Variants in ZEB1 observed in about 807,000 individuals in gnomAD.
ZEB1 encodes the protein zinc finger E-box-binding homeobox 1.
A neutral mutation model predicts 84.9 loss-of-function variants in ZEB1; 21 were observed. The ratio of observed to expected loss-of-function variants is 0.25; its 90% CI spans 0.18 to 0.36. The LOEUF is 0.36. Ranked by LOEUF, ZEB1 falls within the 10% of genes least tolerant of loss-of-function variation. The pLI is 1.00. For missense variants in ZEB1, 1,104 were observed against 1,330.2 expected (o/e 0.83, Z 2.65); for synonymous variants, 420 against 471.1 (o/e 0.89, Z 1.41).
At chr10:31,525,062 A>G (rs188556010) in intron 8 of ZEB1, among the ~76,000 whole-genome samples, 2 of 152,346 alleles carry the variant, frequency 1.3e-5, no homozygotes, top group East Asian at 3.9e-4. Flanking sequence ...ACATTTTTAA[A>G]TGATTGGAAA....
At chr10:31,495,407 C>T (rs1203277588) in intron 2 of ZEB1, among the ~76,000 whole-genome samples, 1 of 151,948 alleles carries the variant, frequency 6.6e-6, no homozygotes, top group Admixed American at 6.6e-5. Flanking sequence ...ACTGCTTTTA[C>T]TTCTCTAAGA....
intron 2 of ZEB1, among the ~76,000 whole-genome samples, chr10:31,477,245 A>G (rs897909006): frequency 2.6e-5 from 4 of 152,056 alleles, no homozygotes; most frequent in Admixed American, 2.6e-4. Flanking sequence ...GCATTTCTGT[A>G]TACTGTTACT....
rs900233442 is a variant in ZEB1 at position 31,333,951 on chromosome 10, G to A, written c.58+14659G>A. ...TGACTTTGAGGCAGAAAACCTGTCC[G>A]AGAGAGTGAGGGTCACTCAATAGTT... is the stretch of plus-strand genomic sequence containing the variant. On this transcript the variant is annotated intron_variant, in intron 1 of 8. Transcript: ENST00000424869. Among the ~76,000 whole-genome samples, 5 of 152,106 alleles carry A rather than the reference G, an allele frequency of 3.3e-5. No individual in the cohort carries two copies. In the East Asian group the frequency reaches 7.7e-4, roughly 23 times the overall value.
intron 1 of ZEB1, among the ~76,000 whole-genome samples, chr10:31,391,598 T>C (rs2049750960): frequency 6.6e-6 from 1 of 152,216 alleles, no homozygotes; most frequent in South Asian, 2.1e-4. Flanking sequence ...ATAAGTAAGA[T>C]GTTCAGCCTT....
At chr10:31,449,884 T>C (rs1476076775) in intron 1 of ZEB1, among the ~76,000 whole-genome samples, 2 of 152,230 alleles carry the variant, frequency 1.3e-5, no homozygotes, top group African/African-American at 4.8e-5. Context: ...ATTTTCATCA[T>C]TGTGATAACC....
chr10:31,504,456 A>T (rs992931639), intron 4 of ZEB1, among the ~76,000 whole-genome samples: 6 of 151,892 alleles, frequency 4.0e-5, no homozygotes, highest in Non-Finnish European at 8.8e-5. Flanking sequence ...TGGTTCCGTA[A>T]AAGTTTTAGG....
chr10:31,523,572 C>T (rs2072812419), intron 7 of ZEB1, among the ~76,000 whole-genome samples: 1 of 152,162 alleles, frequency 6.6e-6, no homozygotes, highest in Non-Finnish European at 1.5e-5. Context: ...AAGTTAAAAC[C>T]TTCTGCAAAT....
At chr10:31,363,192 C>T in intron 1 of ZEB1, 1 of 1,534,056 alleles carries the variant, frequency 6.5e-7, no homozygotes, top group Non-Finnish European at 8.7e-7. Context: ...GAGAGCTGGG[C>T]AGGTGGTCTT....
At position 31,404,314 on chromosome 10, in the gene ZEB1, A is replaced by AT. The variant is rs762592818; in HGVS notation, c.59-56722dup. 1.4e-3 allele frequency among the ~76,000 whole-genome samples: 217 copies of AT among 152,130 alleles called. 1 individual carries two copies. Among genetic ancestry groups the AT allele is most frequent in the Non-Finnish European group, 2.3e-3 (158 of 67,976 alleles). ...ATGAATAGTTTTTTGTTAATAATTAATGTAGGCCTCTGCTTACCTGCTTTA... is the reference window on the plus strand; with the variant it reads ...ATGAATAGTTTTTTGTTAATAATTAATTGTAGGCCTCTGCTTACCTGCTTTA... On this transcript the variant is annotated intron_variant, in intron 1 of 8. Transcript: ENST00000424869.
intron 1 of ZEB1, among the ~76,000 whole-genome samples, chr10:31,336,012 A>G (rs1425438792): frequency 6.6e-6 from 1 of 152,166 alleles, no homozygotes; most frequent in Non-Finnish European, 1.5e-5. Flanking sequence ...AAATCTAACA[A>G]CGTGCTCAAT....
intron 1 of ZEB1, chr10:31,319,881 G>T: frequency 7.0e-6 from 1 of 143,844 alleles, no homozygotes; most frequent in South Asian, 1.8e-4. Context: ...GGCTGTGGGC[G>T]CGCGGCAGGC....
chr10:31,403,732 T>C lies in ZEB1; in HGVS notation c.59-57305T>C, dbSNP rs180766642. Among the ~76,000 whole-genome samples the C allele has an allele frequency of 3.8e-3, 575 of 152,118 alleles. 4 individuals carry two copies. Among genetic ancestry groups the C allele is most frequent in the Non-Finnish European group, 4.5e-3 (306 of 67,902 alleles). ...TTAAAGAGTGATTACTAGTATATTA[T>C]GTATATTATATATTCAGCTTTCCTT... On this transcript the variant is annotated intron_variant, in intron 1 of 8. Transcript: ENST00000424869.
At chr10:31,384,897 T>C (rs1037682581) in intron 1 of ZEB1, among the ~76,000 whole-genome samples, 2 of 152,164 alleles carry the variant, frequency 1.3e-5, no homozygotes, top group African/African-American at 4.8e-5. Flanking sequence ...GGGTTGGTCT[T>C]TACCCCTTTT....
intron 1 of ZEB1, chr10:31,362,853 C>T (rs2043569957): frequency 4.3e-6 from 5 of 1,154,204 alleles, no homozygotes; most frequent in Non-Finnish European, 6.2e-6. Flanking sequence ...TCCTCCTAAG[C>T]AACTGTCTTA....
rs1340251680 is a variant in ZEB1 at position 31,446,018 on chromosome 10, A to G, written c.59-15019A>G. Among the ~76,000 whole-genome samples, 11 of 133,702 alleles carry G rather than the reference A, an allele frequency of 8.2e-5. No individual in the cohort carries two copies. In the South Asian group the frequency reaches 2.8e-3, roughly 34 times the overall value. The allele number at this position is 133,702 out of a possible 152,430, so 87.7% of individuals were successfully genotyped here. ...ACCAGTTCCTCCTTGTACCTCTGGT[A>G]GAATTCGGCTGTGAATCCATCTGGT... is the stretch of plus-strand genomic sequence containing the variant. On this transcript the variant is annotated intron_variant, in intron 1 of 8. Transcript: ENST00000424869.
At chr10:31,373,875 A>G (rs577263338) in intron 1 of ZEB1, among the ~76,000 whole-genome samples, 1 of 151,836 alleles carries the variant, frequency 6.6e-6, no homozygotes, top group East Asian at 1.9e-4. Context: ...TAATTTCTAA[A>G]TTTGGTTACA....
intron 1 of ZEB1, among the ~76,000 whole-genome samples, chr10:31,455,400 A>T (rs1308297132): frequency 6.6e-6 from 1 of 152,234 alleles, no homozygotes; most frequent in African/African-American, 2.4e-5. Flanking sequence ...ACAGAAGCCA[A>T]AATTGACAAA....
At chr10:31,365,532 C>A (rs1590366637) in intron 1 of ZEB1, among the ~76,000 whole-genome samples, 1 of 152,114 alleles carries the variant, frequency 6.6e-6, no homozygotes, top group East Asian at 1.9e-4. Context: ...TTTATTTAAT[C>A]CATTCACAGG....
chr10:31,340,322 A>G (rs2039106305), intron 1 of ZEB1, among the ~76,000 whole-genome samples: 1 of 152,182 alleles, frequency 6.6e-6, no homozygotes, highest in Non-Finnish European at 1.5e-5. Flanking sequence ...TTTATGAATT[A>G]CTAACTTACT....
Sources: allele counts gnomAD v4.1 joint callset (sites outside exome capture counted in the v4.1 genomes callset), GRCh38; gene constraint gnomAD v4.1.1; transcripts MANE v1.5; gene names NCBI Gene and HGNC (gene_info 2026-07-23, HGNC 2026-07-21).